IL17REL: variants seen among roughly 807,000 people sequenced by gnomAD.
IL17REL encodes the protein interleukin 17 receptor E like.
IL17REL carries 36 observed loss-of-function variants against 49.0 expected under a neutral mutation model. That is an observed-to-expected ratio of 0.73 (90% confidence interval 0.56 to 0.97). IL17REL has a LOEUF of 0.97. IL17REL is among the 50% of genes least tolerant of loss of function. The pLI, the probability that IL17REL is intolerant of heterozygous loss-of-function variation, is 0.00. For synonymous variants in IL17REL, 206 were observed against 192.4 expected (o/e 1.07, Z -0.58); for missense variants, 470 against 453.9 (o/e 1.04, Z -0.32).
chr22:49,992,262 C>G (rs1247649527), downstream of IL17REL, among the ~76,000 whole-genome samples: 2 of 152,188 alleles, frequency 1.3e-5, no homozygotes, highest in African/African-American at 4.8e-5. Context: ...GAAGGCCTCA[C>G]CTTCTGCACT....
intron 1 of IL17REL, among the ~76,000 whole-genome samples, chr22:50,003,755 T>C (rs2061092056): frequency 6.6e-6 from 1 of 152,170 alleles, no homozygotes; most frequent in Non-Finnish European, 1.5e-5. Flanking sequence ...AAAATCTATA[T>C]GTAACATAAC....
chr22:50,005,158 T>A (rs868490700), intron 1 of IL17REL, among the ~76,000 whole-genome samples: 1 of 151,980 alleles, frequency 6.6e-6, no homozygotes, highest in Non-Finnish European at 1.5e-5. Flanking sequence ...AAGAGGAGGC[T>A]GTGTAGAAGG....
chr22:49,992,344 G>A (rs2061010635), downstream of IL17REL, among the ~76,000 whole-genome samples: 1 of 152,234 alleles, frequency 6.6e-6, no homozygotes, highest in African/African-American at 2.4e-5. Context: ...GACCCTGTTA[G>A]AGCCGGGCAA....
exon 5 of IL17REL, chr22:49,999,879 C>T (rs2061067355): frequency 1.0e-5 from 16 of 1,545,050 alleles, no homozygotes; most frequent in Non-Finnish European, 1.4e-5. Context: ...GGCAGAGCCG[C>T]AGGTAGTAGT....
chr22:49,997,616 C>A (rs1171273304), intron 10 of IL17REL, 69 bp downstream of exon 12: 1 of 1,521,638 alleles, frequency 6.6e-7, no homozygotes, highest in East Asian at 2.3e-5. Flanking sequence ...ACCTCCCTGA[C>A]CAGCACAGAG....
intron 10 of IL17REL, chr22:49,997,426 A>T: frequency 1.9e-6 from 3 of 1,612,646 alleles, no homozygotes; most frequent in East Asian, 2.2e-5. Context: ...GCTGGACGAG[A>T]AGAAGGTGAC....
rs1467261632 is a variant in IL17REL, at chr22:50,000,741, G to T, written c.219+13C>A. 32 of 1,575,248 alleles carry T rather than the reference G, an allele frequency of 2.0e-5. No homozygotes were observed. The highest frequency in any genetic ancestry group is 2.7e-5 in the Non-Finnish European group (31 of 1,160,470). ...TTCGGGACTTGGGTGGCAGAGCCCT[G>T]CCTTGGCCTCACCTGCTGCCCCCCC... On this transcript the variant is annotated intron_variant, in intron 3 of 12. Transcript: ENST00000341280.
At chr22:49,998,444 A>AGAG in intron 7 of IL17REL, 135 bp from the exon 10 acceptor site, 1 of 812,322 alleles carries the variant, frequency 1.2e-6, no homozygotes, top group Non-Finnish European at 1.9e-6. Flanking sequence ...GCCCTGGCTC[A>AGAG]AGGCTGTGCA....
downstream of IL17REL, among the ~76,000 whole-genome samples, chr22:49,993,366 G>A (rs1269945519): frequency 6.6e-6 from 1 of 152,196 alleles, no homozygotes; most frequent in Non-Finnish European, 1.5e-5. The surrounding 1 kb of genome is among the most constrained non-coding windows in gnomAD (Gnocchi z 6.0). Context: ...CCCCTTTCTG[G>A]GGCCCGGGGT....
At chr22:50,012,539 G>A (rs905144794), upstream of IL17REL, 2 of 152,434 alleles carry the variant, frequency 1.3e-5, no homozygotes, top group East Asian at 1.9e-4. Flanking sequence ...GGAGGCAGGA[G>A]CTTACCTGAG....
exon 13 of IL17REL, chr22:49,995,786 AG>A (rs953050984): frequency 6.6e-6 from 1 of 152,266 alleles, no homozygotes; most frequent in Non-Finnish European, 1.5e-5. Flanking sequence ...GTGAAGGAGG[AG>A]CCCACCCTGG....
chr22:49,998,428 C>T, intron 7 of IL17REL, 119 bp from the exon 10 acceptor site: 1 of 835,246 alleles, frequency 1.2e-6, no homozygotes, highest in Non-Finnish European at 1.8e-6. Flanking sequence ...TCCTATGGGT[C>T]TCTGAGCCCT....
intron 2 of IL17REL, 63 bp downstream of exon 3, chr22:50,001,019 A>G: frequency 7.3e-7 from 1 of 1,360,814 alleles, no homozygotes; most frequent in Non-Finnish European, 1.0e-6. Flanking sequence ...TGGGAATAAA[A>G]GGCACCTGGG....
chr22:50,000,911 C>G, intron 2 of IL17REL, 48 bp from the exon 4 acceptor site: 1 of 1,425,750 alleles, frequency 7.0e-7, no homozygotes, highest in Non-Finnish European at 9.4e-7. Context: ...AGGGCCGCCC[C>G]TGGCTCCGGA....
chr22:49,992,030 T>TAA (rs1267309834), downstream of IL17REL, among the ~76,000 whole-genome samples: 1 of 152,208 alleles, frequency 6.6e-6, no homozygotes, highest in Non-Finnish European at 1.5e-5. Flanking sequence ...GGGTCACAGA[T>TAA]AAGAGACAAA....
chr22:50,000,022 G>T, intron 4 of IL17REL, 55 bp from the exon 7 acceptor site: 2 of 1,417,966 alleles, frequency 1.4e-6, no homozygotes, highest in South Asian at 1.5e-5. Flanking sequence ...CCGACGCGGG[G>T]CTCTGTCTGT....
chr22:50,007,921 A>T (rs970082885), intron 1 of IL17REL, among the ~76,000 whole-genome samples: 1 of 151,584 alleles, frequency 6.6e-6, no homozygotes, highest in East Asian at 2.0e-4. Flanking sequence ...TATCCTGCAA[A>T]TATCTGTATA....
At chr22:50,001,183 C>G in exon 2 of IL17REL, 5 of 1,599,534 alleles carry the variant, frequency 3.1e-6, no homozygotes, top group Non-Finnish European at 4.3e-6. Context: ...CAGGACTGAC[C>G]TGGACATGGA....
chr22:50,006,133 T>TC (rs2146757142), intron 1 of IL17REL, among the ~76,000 whole-genome samples: 1 of 151,942 alleles, frequency 6.6e-6, no homozygotes, highest in South Asian at 2.1e-4. Flanking sequence ...AGGAAGAACT[T>TC]CCCCACGTTG....
Sources: allele counts gnomAD v4.1 joint callset (sites outside exome capture counted in the v4.1 genomes callset), GRCh38; gene constraint gnomAD v4.1.1; non-coding constraint Gnocchi (gnomAD v3.1); transcripts MANE v1.5; gene names NCBI Gene and HGNC (gene_info 2026-07-23, HGNC 2026-07-21).